The following CYBRD1 variants were observed in gnomAD, a reference collection of about 807,000 sequenced individuals.
The protein encoded by CYBRD1 is cytochrome b reductase 1.
In CYBRD1, 14 loss-of-function variants were observed where a neutral mutation model predicts 21.9. The observed-to-expected ratio is 0.64, with a 90% confidence interval of 0.42 to 1.00. The LOEUF (loss-of-function observed/expected upper bound fraction) is 1.00, where lower values mean the gene tolerates loss of function less well. Ranked by LOEUF, CYBRD1 falls within the 50% of genes least tolerant of loss-of-function variation. CYBRD1 has a pLI of 0.00. For synonymous variants in CYBRD1, 146 were observed against 136.5 expected (o/e 1.07, Z -0.48); for missense variants, 328 against 352.5 (o/e 0.93, Z 0.56).
intron 3 of CYBRD1, 91 bp downstream of exon 3, chr2:171,553,591 A>T (rs1683425738): frequency 3.5e-6 from 4 of 1,132,368 alleles, no homozygotes; most frequent in African/African-American, 3.2e-5. Flanking sequence ...ATATAACAAA[A>T]TTTTTTAGAT....
intron 1 of CYBRD1, among the ~76,000 whole-genome samples, chr2:171,533,141 C>T (rs1248499105): frequency 2.0e-5 from 3 of 151,728 alleles, no homozygotes; most frequent in African/African-American, 4.8e-5. Context: ...CCAAGGTGGG[C>T]AGATCACTTG....
chr2:171,523,119 T>TCGGGCCGCTGCAGC, intron 1 of CYBRD1: 1 of 326,162 alleles, frequency 3.1e-6, no homozygotes, highest in South Asian at 2.7e-5. Context: ...CGCCGCGCAG[T>TCGGGCCGCTGCAGC]CGGGCCGCTG....
chr2:171,553,477 G>C lies in CYBRD1; in HGVS notation c.534G>C (p.Leu178Phe). The change falls in exon 3 of 4, where the codon TTG becomes TTC. Residue 178 changes from leucine (L) to phenylalanine (F), a missense_variant. Coordinates refer to ENST00000321348, the MANE Select transcript of CYBRD1 (RefSeq NM_024843.4). ...GTVIATALMG[L>F]TEKLIFSLRD... ...TGATTGCAACAGCACTTATGGGATT[G>C]ACAGAGAAACTGATTTTTTCCCTGT... The C allele has an allele frequency of 6.2e-7, 1 of 1,612,030 alleles. No individual in the cohort carries two copies. The highest frequency in any genetic ancestry group is 8.5e-7 in the Non-Finnish European group (1 of 1,178,760).
At chr2:171,536,256 G>A (rs556793664) in intron 1 of CYBRD1, among the ~76,000 whole-genome samples, 8 of 147,748 alleles carry the variant, frequency 5.4e-5, no homozygotes, top group South Asian at 2.1e-4. Context: ...CTCTTGCCTC[G>A]GTCTCCCCAA....
chr2:171,530,803 G>A (rs1697453924), intron 1 of CYBRD1, among the ~76,000 whole-genome samples: 1 of 152,148 alleles, frequency 6.6e-6, no homozygotes, highest in Non-Finnish European at 1.5e-5. Context: ...GTTTACAGGT[G>A]ACTCCTGCTA....
Position 171,553,398 on chromosome 2 carries a change from G to T in CYBRD1, c.455G>T (p.Arg152Leu). 1 of 1,613,594 alleles carries T rather than the reference G, an allele frequency of 6.2e-7. No homozygotes were observed. The highest frequency in any genetic ancestry group is 8.5e-7 in the Non-Finnish European group (1 of 1,179,770). The change falls in exon 3 of 4, where the codon CGA becomes CTA. Residue 152 changes from arginine to leucine, a missense_variant. Physicochemically the swap from Arg to Leu is moderately radical, Grantham distance 102. Transcript: ENST00000321348. ...FLLPWAPLSL[R>L]AFLMPIHVYS... ...CTTCCATGGGCTCCGCTTTCTCTCC[G>T]AGCATTTCTCATGCCCATACATGTT... is the stretch of plus-strand genomic sequence containing the variant.
chr2:171,523,284 G>C (rs1334880426), intron 1 of CYBRD1: 11 of 432,390 alleles, frequency 2.5e-5, no homozygotes, highest in Non-Finnish European at 3.3e-5. Context: ...GCGAGAATTT[G>C]CCCGTATTTG....
At chr2:171,523,758 T>C (rs1383433118) in intron 1 of CYBRD1, among the ~76,000 whole-genome samples, 1 of 152,206 alleles carries the variant, frequency 6.6e-6, no homozygotes, top group East Asian at 1.9e-4. Flanking sequence ...CTTCCTTCGG[T>C]TTGCCGTGTA....
At chr2:171,542,265 G>A (rs979632512) in intron 2 of CYBRD1, among the ~76,000 whole-genome samples, 1 of 152,076 alleles carries the variant, frequency 6.6e-6, no homozygotes, top group African/African-American at 2.4e-5. Context: ...AAAATAATAA[G>A]AAATAAAGAT....
intron 1 of CYBRD1, among the ~76,000 whole-genome samples, chr2:171,533,291 C>T (rs1050363859): frequency 1.3e-5 from 2 of 152,120 alleles, no homozygotes; most frequent in African/African-American, 2.4e-5. Context: ...TGCTTGAACC[C>T]GGGAATCCGA....
chr2:171,544,874 C>T (rs922011394), intron 2 of CYBRD1, among the ~76,000 whole-genome samples: 8 of 152,150 alleles, frequency 5.3e-5, no homozygotes, highest in Admixed American at 3.9e-4. Context: ...CACAGTGGCT[C>T]ATACCCATAA....
intron 2 of CYBRD1, among the ~76,000 whole-genome samples, chr2:171,542,301 T>C (rs17288182): frequency 0.17 from 25,974 of 152,194 alleles, 2,315 homozygotes; most frequent in Non-Finnish European, 0.18. Context: ...TGACTTTTAA[T>C]CTGGATTCTC....
At chr2:171,541,849 A>ATGTTT in intron 2 of CYBRD1, 56 bp downstream of exon 2, 1 of 1,264,262 alleles carries the variant, frequency 7.9e-7, no homozygotes. Context: ...GAGACTGTAA[A>ATGTTT]TGTTTTCTTT....
chr2:171,539,364 G>T (rs1446640505), intron 1 of CYBRD1, among the ~76,000 whole-genome samples: 1 of 152,030 alleles, frequency 6.6e-6, no homozygotes, highest in East Asian at 1.9e-4. Flanking sequence ...CATGCCTGCA[G>T]CCCCAGCTAC....
Position 171,554,919 on chromosome 2 carries a change from G to A in CYBRD1, c.*92G>A. 2 of 1,304,970 alleles carry A rather than the reference G, an allele frequency of 1.5e-6. No individual in the cohort carries two copies. The highest frequency in any genetic ancestry group is 2.2e-6 in the Non-Finnish European group (2 of 916,720). The allele number at this position is 1,304,970 out of a possible 1,614,324, so 80.8% of individuals were successfully genotyped here. A position where few individuals can be genotyped will look rare whatever the true frequency, so the allele number is the denominator to read the frequency against. ...ATTAGCCATATGATAATTGGGCTAT[G>A]TAGTATCAATATTTACTTTAATCAC... is the stretch of plus-strand genomic sequence containing the variant. On this transcript the variant is annotated 3_prime_UTR_variant, in exon 4 of 4. Coordinates refer to ENST00000321348, the MANE Select transcript of CYBRD1 (RefSeq NM_024843.4).
intron 2 of CYBRD1, among the ~76,000 whole-genome samples, chr2:171,545,549 T>G (rs1697699699): frequency 6.8e-6 from 1 of 148,128 alleles, no homozygotes; most frequent in Non-Finnish European, 1.5e-5. Flanking sequence ...TGGCTAATTT[T>G]TTTTTTTTTT....
At chr2:171,553,927 CAG>C (rs1317356425) in intron 3 of CYBRD1, among the ~76,000 whole-genome samples, 1 of 152,072 alleles carries the variant, frequency 6.6e-6, no homozygotes, top group Admixed American at 6.5e-5. Context: ...GCAACAAAAG[CAG>C]AGAGTTACTG....
chr2:171,551,845 C>A (rs1683381616), intron 2 of CYBRD1, among the ~76,000 whole-genome samples: 1 of 152,158 alleles, frequency 6.6e-6, no homozygotes, highest in Non-Finnish European at 1.5e-5. Flanking sequence ...TTATACCTAG[C>A]AAACTTGATA....
At chr2:171,544,672 T>C (rs1157420230) in intron 2 of CYBRD1, among the ~76,000 whole-genome samples, 7 of 152,198 alleles carry the variant, frequency 4.6e-5, no homozygotes, top group African/African-American at 1.7e-4. Flanking sequence ...CCCATCACCA[T>C]TTATTGAATC....
Sources: gnomAD v4.1 joint callset for allele counts (sites outside exome capture counted in the v4.1 genomes callset) on GRCh38, gnomAD v4.1.1 for gene constraint, MANE v1.5 for transcripts, NCBI Gene and HGNC (gene_info 2026-07-23, HGNC 2026-07-21) for gene names.